NXPH1: variants seen among roughly 807,000 people sequenced by gnomAD.
The protein encoded by NXPH1 is neurexophilin-1.
Under a neutral mutation model 23.7 loss-of-function variants are expected in NXPH1, and 5 were observed. The ratio of observed to expected loss-of-function variants is 0.21; its 90% confidence interval spans 0.11 to 0.44. NXPH1 has a LOEUF of 0.44. NXPH1 is among the 20% of genes least tolerant of loss of function. NXPH1 has a pLI of 0.99. For missense variants in NXPH1, 324 were observed against 321.6 expected (o/e 1.01, Z -0.06); for synonymous variants, 144 against 122.2 (o/e 1.18, Z -1.18).
intron 2 of NXPH1, among the ~76,000 whole-genome samples, chr7:8,691,401 A>G (rs1821219006): frequency 6.6e-6 from 1 of 152,254 alleles, no homozygotes; most frequent in South Asian, 2.1e-4. Context: ...CGCTCTCCTC[A>G]GCCTCCCAAA....
intron 2 of NXPH1, among the ~76,000 whole-genome samples, chr7:8,692,978 C>T (rs550042096): frequency 4.3e-4 from 66 of 152,184 alleles, no homozygotes; most frequent in Admixed American, 1.4e-3. Context: ...GTGAAGTCTT[C>T]CTACAAGCCC....
rs1820489493 is a variant in NXPH1 at position 8,651,299 on chromosome 7, A to T, written c.55-99709A>T. Among the ~76,000 whole-genome samples, 3 of 76,866 alleles carry T rather than the reference A, an allele frequency of 3.9e-5. 1 individual carries two copies. Among genetic ancestry groups the T allele is most frequent in the Non-Finnish European group, 8.6e-5 (3 of 34,728 alleles). 50.4% of individuals were successfully genotyped at this position (76,866 alleles called of 152,430 possible). A position where few individuals can be genotyped will look rare whatever the true frequency, so the allele number is the denominator to read the frequency against. Reference sequence around the variant, plus strand: ...ATCCATGTCCCTACAAAGGACATGAACTCATCATTTTTTACGGCTGCATAG... The same window carrying T: ...ATCCATGTCCCTACAAAGGACATGATCTCATCATTTTTTACGGCTGCATAG... On this transcript the variant is annotated intron_variant, in intron 2 of 2. Transcript: ENST00000405863.
intron 2 of NXPH1, among the ~76,000 whole-genome samples, chr7:8,503,547 C>T (rs1380322167): frequency 6.6e-6 from 1 of 151,964 alleles, no homozygotes; most frequent in Non-Finnish European, 1.5e-5. Context: ...TCTGCCTTAA[C>T]TATTTCTTCT....
intron 2 of NXPH1, among the ~76,000 whole-genome samples, chr7:8,516,798 C>G (rs1056251748): frequency 6.6e-6 from 1 of 151,996 alleles, no homozygotes; most frequent in Non-Finnish European, 1.5e-5. Context: ...AACAGGTTTG[C>G]AAAGCTGTTT....
chr7:8,615,633 G>A (rs150124695), intron 2 of NXPH1, among the ~76,000 whole-genome samples: 2 of 151,968 alleles, frequency 1.3e-5, no homozygotes, highest in Admixed American at 1.3e-4. Context: ...TTTCCTGCCT[G>A]TCTCCCTTCC....
intron 2 of NXPH1, among the ~76,000 whole-genome samples, chr7:8,462,889 G>A (rs1816718657): frequency 6.6e-6 from 1 of 152,120 alleles, no homozygotes; most frequent in East Asian, 1.9e-4. Context: ...GGAATTGCTG[G>A]ATTGAGAGGC....
At chr7:8,621,524 G>A (rs75081663) in intron 2 of NXPH1, among the ~76,000 whole-genome samples, 2,899 of 146,940 alleles carry the variant, frequency 0.02, 155 homozygotes, top group East Asian at 0.15. Context: ...TTTCACTCTT[G>A]TTGCCCAGGC....
chr7:8,658,948 T>C (rs905117535), intron 2 of NXPH1, among the ~76,000 whole-genome samples: 1 of 152,028 alleles, frequency 6.6e-6, no homozygotes, highest in Non-Finnish European at 1.5e-5. Context: ...AATGCTGTGA[T>C]TTACAGAAGA....
At chr7:8,687,404 AT>A (rs773638910) in intron 2 of NXPH1, among the ~76,000 whole-genome samples, 1 of 152,180 alleles carries the variant, frequency 6.6e-6, no homozygotes, top group Non-Finnish European at 1.5e-5. Context: ...AGTATTACTA[AT>A]TTTTTCCCAT....
At chr7:8,470,293 A>G (rs533240617) in intron 2 of NXPH1, among the ~76,000 whole-genome samples, 2 of 152,290 alleles carry the variant, frequency 1.3e-5, no homozygotes, top group East Asian at 1.9e-4. Flanking sequence ...CATTTGATGC[A>G]CATATAAGTG....
Position 8,542,001 on chromosome 7 carries a change from T to C in NXPH1, c.54+106234T>C, listed in dbSNP as rs548756394. On this transcript the variant is annotated intron_variant, in intron 2 of 2. Coordinates refer to ENST00000405863, the MANE Select transcript of NXPH1 (RefSeq NM_152745.3). ...ATAATGATAGATTTAAACCTAACCA[T>C]ATCATGAATTAAAATAAATGTAAAT... Among the ~76,000 whole-genome samples the C allele has an allele frequency of 9.2e-5, 14 of 151,600 alleles. No individual in the cohort carries two copies. In the South Asian group the frequency reaches 2.5e-3, roughly 27 times the overall value.
At chr7:8,617,900 A>G (rs1304381477) in intron 2 of NXPH1, among the ~76,000 whole-genome samples, 2 of 152,156 alleles carry the variant, frequency 1.3e-5, no homozygotes, top group East Asian at 3.8e-4. Context: ...AAAATATCTC[A>G]TGTACTCCCA....
At chr7:8,702,736 A>G (rs2115190748) in intron 2 of NXPH1, among the ~76,000 whole-genome samples, 1 of 152,244 alleles carries the variant, frequency 6.6e-6, no homozygotes, top group East Asian at 1.9e-4. Flanking sequence ...CATAGGTGGT[A>G]CTGTTACAGA....
intron 2 of NXPH1, among the ~76,000 whole-genome samples, chr7:8,538,956 T>C (rs888917152): frequency 6.6e-6 from 1 of 151,860 alleles, no homozygotes; most frequent in African/African-American, 2.4e-5. Flanking sequence ...TTACTAGTGG[T>C]TGGTAGATGT....
chr7:8,693,399 T>A (rs766071879), intron 2 of NXPH1, among the ~76,000 whole-genome samples: 2 of 152,186 alleles, frequency 1.3e-5, no homozygotes, highest in African/African-American at 2.4e-5. Context: ...AGTCTCAATT[T>A]TTTCATATAG....
At chr7:8,644,430 T>C (rs1421494692) in intron 2 of NXPH1, among the ~76,000 whole-genome samples, 1 of 152,208 alleles carries the variant, frequency 6.6e-6, no homozygotes, top group Non-Finnish European at 1.5e-5. Flanking sequence ...AGGCCTACTT[T>C]CGGTTGAAGT....
rs149012214 is a variant in NXPH1, at chr7:8,526,268, C to T, written c.54+90501C>T. On this transcript the variant is annotated intron_variant, in intron 2 of 2. Coordinates refer to ENST00000405863, the MANE Select transcript of NXPH1 (RefSeq NM_152745.3). ...GTAATCCCTTTGTTTTGTCCAATTC[C>T]TCCCATATGGGGTAGCTGTATTTAA... 2.3e-3 allele frequency among the ~76,000 whole-genome samples: 343 copies of T among 152,338 alleles called. 1 individual carries two copies. Among genetic ancestry groups the T allele is most frequent in the African/African-American group, 8.0e-3 (331 of 41,574 alleles).
At chr7:8,747,311 G>A (rs1247828379) in intron 2 of NXPH1, among the ~76,000 whole-genome samples, 3 of 152,162 alleles carry the variant, frequency 2.0e-5, no homozygotes, top group Non-Finnish European at 4.4e-5. Context: ...TATTCTACCT[G>A]AAAATCAGAG....
At chr7:8,702,932 T>C (rs1779648729) in intron 2 of NXPH1, among the ~76,000 whole-genome samples, 1 of 152,090 alleles carries the variant, frequency 6.6e-6, no homozygotes, top group Admixed American at 6.6e-5. Context: ...CCTTCCATAC[T>C]CTGATCTGTG....
Sources: allele counts gnomAD v4.1 joint callset (sites outside exome capture counted in the v4.1 genomes callset), GRCh38; gene constraint gnomAD v4.1.1; transcripts MANE v1.5; gene names NCBI Gene and HGNC (gene_info 2026-07-23, HGNC 2026-07-21).